The following OLAH variants were observed in gnomAD, a reference collection of about 807,000 sequenced individuals.
The protein encoded by OLAH is oleoyl-ACP hydrolase.
In OLAH, 33 loss-of-function variants were observed where a neutral mutation model predicts 27.8. The observed-to-expected ratio is 1.19, with a 90% CI of 0.90 to 1.59. OLAH has a LOEUF of 1.59. Ranked by LOEUF, OLAH falls within the 40% of genes most tolerant of loss-of-function variation. OLAH has a pLI of 0.00. For missense variants in OLAH, 359 were observed against 310.8 expected, an observed-to-expected ratio of 1.16 and a Z score of -1.17; for synonymous variants, 120 against 102.9, an observed-to-expected ratio of 1.17 and a Z score of -1.01.
intron 1 of OLAH, among the ~76,000 whole-genome samples, chr10:15,036,993 C>T (rs1178441538): frequency 1.3e-5 from 2 of 151,822 alleles, no homozygotes; most frequent in South Asian, 2.1e-4. Context: ...GCAGGAGAAT[C>T]GCTTGAACCT....
At chr10:15,047,369 C>A in intron 2 of OLAH, 49 bp downstream of exon 2, 1 of 1,572,656 alleles carries the variant, frequency 6.4e-7, no homozygotes, top group African/African-American at 1.4e-5. Context: ...CCAGGGGCTC[C>A]GATACCCTGC....
At chr10:15,042,009 T>G (rs1843927681), upstream of OLAH, among the ~76,000 whole-genome samples, 1 of 151,854 alleles carries the variant, frequency 6.6e-6, no homozygotes, top group Non-Finnish European at 1.5e-5. Context: ...GTTTAAATGC[T>G]AGTGATTCTC....
intron 1 of OLAH, among the ~76,000 whole-genome samples, chr10:15,046,306 A>G (rs922547653): frequency 4.4e-4 from 64 of 145,628 alleles, no homozygotes; most frequent in African/African-American, 1.5e-3. Flanking sequence ...ACAGAGTGAG[A>G]CTCCGTCTCA....
intron 1 of OLAH, among the ~76,000 whole-genome samples, chr10:15,038,373 G>A (rs951975214): frequency 6.6e-6 from 1 of 152,126 alleles, no homozygotes; most frequent in Non-Finnish European, 1.5e-5. Flanking sequence ...TGAAATGTGA[G>A]GACATAAGAT....
intron 1 of OLAH, among the ~76,000 whole-genome samples, chr10:15,034,797 TTTCTTTC>T (rs1283799653): frequency 1.1e-4 from 9 of 82,482 alleles, no homozygotes; most frequent in Admixed American, 5.9e-4. Flanking sequence ...TTTTCTTTTC[TTTCTTTC>T]TTTTTTTTTT....
At chr10:15,034,808 T>C (rs918129291) in intron 1 of OLAH, among the ~76,000 whole-genome samples, 17 of 150,790 alleles carry the variant, frequency 1.1e-4, no homozygotes, top group African/African-American at 2.7e-4. Flanking sequence ...TTCTTTCTTT[T>C]TTTTTTTTTT....
intron 6 of OLAH, among the ~76,000 whole-genome samples, chr10:15,070,917 C>T (rs1844572105): frequency 6.6e-6 from 1 of 151,646 alleles, no homozygotes; most frequent in Admixed American, 6.6e-5. Flanking sequence ...TCCCGAGTAG[C>T]TGGAACTACA....
chr10:15,035,042 C>T (rs1053820672), intron 1 of OLAH, among the ~76,000 whole-genome samples: 5 of 152,038 alleles, frequency 3.3e-5, no homozygotes, highest in African/African-American at 7.2e-5. Flanking sequence ...CGTCGTGATC[C>T]GCCCACCTCG....
At chr10:15,052,098 C>CA (rs1648013150) in intron 3 of OLAH, among the ~76,000 whole-genome samples, 1 of 152,092 alleles carries the variant, frequency 6.6e-6, no homozygotes, top group South Asian at 2.1e-4. Flanking sequence ...GCTTGACCAA[C>CA]ATGGTGAACC....
chr10:15,034,471 T>C (rs1281816718), intron 1 of OLAH, among the ~76,000 whole-genome samples: 1 of 152,090 alleles, frequency 6.6e-6, no homozygotes, highest in Non-Finnish European at 1.5e-5. Context: ...ACTTCTTTGA[T>C]GGGCAAGAAA....
intron 3 of OLAH, among the ~76,000 whole-genome samples, chr10:15,052,593 G>A (rs1294365730): frequency 2.0e-5 from 3 of 151,788 alleles, no homozygotes; most frequent in Non-Finnish European, 2.9e-5. Context: ...TTACTGATGT[G>A]TATACTTCTT....
At chr10:15,063,358 T>A (rs1844405777) in intron 4 of OLAH, among the ~76,000 whole-genome samples, 1 of 152,182 alleles carries the variant, frequency 6.6e-6, no homozygotes, top group Non-Finnish European at 1.5e-5. Context: ...CTCCAACTCC[T>A]GGGCCCAAGT....
At chr10:15,049,859 G>A (rs1410911864) in intron 3 of OLAH, 94 bp downstream of exon 3, 21 of 1,178,546 alleles carry the variant, frequency 1.8e-5, no homozygotes, top group Non-Finnish European at 2.3e-5. Context: ...TTCCTTCCTG[G>A]TAGGTAATTG....
At chr10:15,071,610 C>G (rs992461479) in intron 6 of OLAH, 185 bp from the exon 7 acceptor site, 14 of 985,060 alleles carry the variant, frequency 1.4e-5, no homozygotes, top group Middle Eastern at 1.0e-3. Context: ...GGAAATTAGT[C>G]TCCACACTGA....
intron 1 of OLAH, among the ~76,000 whole-genome samples, chr10:15,033,069 G>T (rs1224224157): frequency 6.6e-6 from 1 of 151,446 alleles, no homozygotes; most frequent in African/African-American, 2.4e-5. Context: ...TAGAGATGGG[G>T]TTTCACCATG....
rs569350032 is a variant in OLAH at position 15,037,441 on chromosome 10, C to A, written c.-164+5091C>A. 2.6e-5 allele frequency among the ~76,000 whole-genome samples: 4 copies of A among 152,144 alleles called. No homozygotes were observed. In the South Asian group the frequency reaches 8.3e-4, roughly 32 times the overall value. On this transcript the variant is annotated intron_variant, in intron 1 of 3. Coordinates refer to the OLAH transcript ENST00000413672. The stretch of plus-strand genomic sequence containing the variant: ...ACTAAAAATACAAAAATTAGCCAGG[C>A]ATGGTGGCGAGCGCCTGTAATCCCA...
rs571876684 is a variant in OLAH at position 15,059,053 on chromosome 10, C to T, written c.164-2671C>T. On this transcript the variant is annotated intron_variant, in intron 3 of 7. Transcript: ENST00000378228. The stretch of plus-strand genomic sequence containing the variant: ...CCTTCCTTCCCTCTCTCCTTCCATC[C>T]CTTCCCTTCCTTCCCTCTCTCCTTC... Among the ~76,000 whole-genome samples the T allele has an allele frequency of 8.4e-5, 8 of 94,804 alleles. No individual in the cohort carries two copies. The South Asian group carries it at 1.9e-3, about 23-fold the overall frequency. The allele number at this position is 94,804 out of a possible 152,430, so 62.2% of individuals were successfully genotyped here.
At chr10:15,036,778 T>A (rs1052967101) in intron 1 of OLAH, among the ~76,000 whole-genome samples, 1 of 152,106 alleles carries the variant, frequency 6.6e-6, no homozygotes, top group Non-Finnish European at 1.5e-5. Flanking sequence ...CCTCTCAGAA[T>A]TTTTTAAAGC....
intron 3 of OLAH, chr10:15,056,742 C>T: frequency 7.9e-7 from 1 of 1,261,632 alleles, no homozygotes; most frequent in Non-Finnish European, 1.0e-6. Flanking sequence ...GTGATCCTCC[C>T]ACCTCAGCCT....
Sources: allele counts gnomAD v4.1 joint callset (sites outside exome capture counted in the v4.1 genomes callset), GRCh38; gene constraint gnomAD v4.1.1; transcripts MANE v1.5; gene names NCBI Gene and HGNC (gene_info 2026-07-23, HGNC 2026-07-21).